CAMTA1: variants seen among roughly 807,000 people sequenced by gnomAD.
CAMTA1 encodes the protein calmodulin-binding transcription activator 1.
A neutral mutation model predicts 170.9 loss-of-function variants in CAMTA1; 27 were observed. The observed-to-expected ratio is 0.16, with a 90% confidence interval of 0.12 to 0.22. The LOEUF (loss-of-function observed/expected upper bound fraction) is 0.22, where lower values mean the gene tolerates loss of function less well. CAMTA1 is among the 10% of genes least tolerant of loss of function. The probability of loss-of-function intolerance (pLI) is 1.00; values close to 1 mark genes in which losing one functional copy is unlikely to be tolerated. For missense variants in CAMTA1, 1,619 were observed against 2,217.2 expected, an observed-to-expected ratio of 0.73 and a Z score of 5.42; for synonymous variants, 833 against 891.5, an observed-to-expected ratio of 0.93 and a Z score of 1.17.
At chr1:7,366,627 G>A (rs2150018547) in intron 5 of CAMTA1, among the ~76,000 whole-genome samples, 1 of 152,362 alleles carries the variant, frequency 6.6e-6, no homozygotes, top group African/African-American at 2.4e-5. Context: ...CCACCCCACT[G>A]ATGTGTCTTT....
At chr1:7,268,992 C>G (rs755486057) in intron 5 of CAMTA1, among the ~76,000 whole-genome samples, 13 of 152,184 alleles carry the variant, frequency 8.5e-5, no homozygotes, top group Non-Finnish European at 1.3e-4. Context: ...AATACAATAT[C>G]TAAAGTGAAA....
In CAMTA1 at chr1:7,674,467, C is replaced by G. The variant is rs2096092955; in HGVS notation, c.2780-3132C>G. ...CTACTCTGGATTCCTAAGAGGTCAC[C>G]AGAACACAAAAGATGAAATTCAAAA... is the stretch of plus-strand genomic sequence containing the variant. On this transcript the variant is annotated intron_variant, in intron 10 of 22. Transcript: ENST00000303635. The surrounding 1 kb of genome is among the most constrained non-coding windows in gnomAD (Gnocchi z 4.1). Among the ~76,000 whole-genome samples the G allele has an allele frequency of 6.6e-6, 1 of 152,056 alleles. No homozygotes were observed. Among genetic ancestry groups the G allele is most frequent in the Non-Finnish European group, 1.5e-5 (1 of 68,010 alleles).
At chr1:7,279,769 A>C (rs181833870) in intron 5 of CAMTA1, among the ~76,000 whole-genome samples, 1 of 152,300 alleles carries the variant, frequency 6.6e-6, no homozygotes, top group East Asian at 1.9e-4. Flanking sequence ...AATCAAGGCA[A>C]GAGGAGGACT....
At chr1:7,415,477 C>T (rs1287756213) in intron 5 of CAMTA1, among the ~76,000 whole-genome samples, 2 of 152,068 alleles carry the variant, frequency 1.3e-5, no homozygotes, top group African/African-American at 4.8e-5. Flanking sequence ...GGATAGTTAG[C>T]TCTTCTTGTT....
chr1:7,753,745 C>T (rs2096913494), intron 21 of CAMTA1, among the ~76,000 whole-genome samples: 1 of 152,150 alleles, frequency 6.6e-6, no homozygotes, highest in South Asian at 2.1e-4. Flanking sequence ...GATGGTTTTC[C>T]CCAGCTATGA....
intron 3 of CAMTA1, among the ~76,000 whole-genome samples, chr1:6,932,710 G>A (rs1033193781): frequency 1.3e-5 from 2 of 152,128 alleles, no homozygotes; most frequent in East Asian, 1.9e-4. Context: ...GGTATATCTC[G>A]TCATGGTTTG....
chr1:7,608,050 G>A (rs974689024), intron 6 of CAMTA1, among the ~76,000 whole-genome samples: 3 of 152,158 alleles, frequency 2.0e-5, no homozygotes, highest in Non-Finnish European at 4.4e-5. Context: ...CTGAGCCCCT[G>A]TCCTCAACTG....
At chr1:7,508,428 T>C (rs928943997) in intron 6 of CAMTA1, among the ~76,000 whole-genome samples, 3 of 152,194 alleles carry the variant, frequency 2.0e-5, no homozygotes, top group Non-Finnish European at 4.4e-5. Flanking sequence ...CTGACGATTA[T>C]TTTGAAATTC....
intron 5 of CAMTA1, among the ~76,000 whole-genome samples, chr1:7,366,224 T>A (rs1275604860): frequency 6.6e-6 from 1 of 152,186 alleles, no homozygotes; most frequent in Non-Finnish European, 1.5e-5. Context: ...GCAGAGGGGA[T>A]GTCTTCAGCA....
Position 7,547,848 on chromosome 1 carries a change from T to C in CAMTA1, c.510+79947T>C, listed in dbSNP as rs2094720116. 6.6e-6 allele frequency among the ~76,000 whole-genome samples: 1 copy of C among 152,004 alleles called. No homozygotes were observed. The highest frequency in any genetic ancestry group is 2.4e-5 in the African/African-American group (1 of 41,380). ...ATGTGGGCCCCCTCCAAACCCAGAC[T>C]CTGACACCCCTTGCAAGGGCACTCC... On this transcript the variant is annotated intron_variant, in intron 6 of 22. Transcript: ENST00000303635. This position sits in a 1 kb window ranked among gnomAD's most constrained non-coding sequence, Gnocchi z 5.7.
chr1:6,996,320 C>G (rs1697243693), intron 3 of CAMTA1, among the ~76,000 whole-genome samples: 1 of 152,164 alleles, frequency 6.6e-6, no homozygotes, highest in South Asian at 2.1e-4. Context: ...TTACGCTATT[C>G]AGAATAATAT....
At chr1:7,006,811 A>G (rs1022402790) in intron 3 of CAMTA1, among the ~76,000 whole-genome samples, 1 of 152,076 alleles carries the variant, frequency 6.6e-6, no homozygotes, top group Non-Finnish European at 1.5e-5. Context: ...TTCCCACACT[A>G]ACATTCTATG....
intron 3 of CAMTA1, among the ~76,000 whole-genome samples, chr1:7,053,321 A>G (rs1706745623): frequency 6.6e-6 from 1 of 152,072 alleles, no homozygotes. Context: ...TTCACAGCAG[A>G]GCTTCATCGA....
In CAMTA1 at chr1:7,281,633, C is replaced by G. The variant is rs1007347731; in HGVS notation, c.438+32007C>G. On this transcript the variant is annotated intron_variant, in intron 5 of 22. Transcript: ENST00000303635. ...GTGAGTATCAATATAATTGCAGCAG[C>G]TTAATTTGGCATAAAAAGCATCTAA... Among the ~76,000 whole-genome samples, 3 of 152,156 alleles carry G rather than the reference C, an allele frequency of 2.0e-5. No homozygotes were observed. The South Asian group carries it at 6.2e-4, about 32-fold the overall frequency.
intron 6 of CAMTA1, among the ~76,000 whole-genome samples, chr1:7,474,221 A>T (rs1575511563): frequency 7.8e-6 from 1 of 128,012 alleles, no homozygotes; most frequent in East Asian, 2.3e-4. Context: ...ACAGCAAAGA[A>T]GCAGCTATTA....
chr1:7,285,880 A>G (rs976877121), intron 5 of CAMTA1, among the ~76,000 whole-genome samples: 8 of 152,190 alleles, frequency 5.3e-5, no homozygotes, highest in Non-Finnish European at 5.9e-5. Context: ...TAGAACCAAC[A>G]GGAGGCTCAT....
At chr1:7,553,264 T>C (rs997280788) in intron 6 of CAMTA1, among the ~76,000 whole-genome samples, 1 of 150,874 alleles carries the variant, frequency 6.6e-6, no homozygotes, top group African/African-American at 2.5e-5. Context: ...AATGAATGAG[T>C]GAATAATTGA....
chr1:7,524,890 C>A (rs1291613776), intron 6 of CAMTA1, among the ~76,000 whole-genome samples: 1 of 152,136 alleles, frequency 6.6e-6, no homozygotes, highest in African/African-American at 2.4e-5. Flanking sequence ...GCCTTCTGTC[C>A]TGTGCCATGT....
intron 6 of CAMTA1, among the ~76,000 whole-genome samples, chr1:7,554,594 C>G (rs999075886): frequency 1.3e-5 from 2 of 152,200 alleles, no homozygotes; most frequent in Admixed American, 6.5e-5. Flanking sequence ...CTCTTGCCCC[C>G]TCCTGTCACT....
Sources: allele counts gnomAD v4.1 joint callset (sites outside exome capture counted in the v4.1 genomes callset), GRCh38; gene constraint gnomAD v4.1.1; non-coding constraint Gnocchi (gnomAD v3.1); transcripts MANE v1.5; gene names NCBI Gene and HGNC (gene_info 2026-07-23, HGNC 2026-07-21).